Variants in GPD2 observed in about 807,000 individuals in gnomAD.
The protein encoded by GPD2 is glycerol-3-phosphate dehydrogenase 2, also known as glycerol-3-phosphate dehydrogenase, mitochondrial.
In GPD2, 54 loss-of-function variants were observed where a neutral mutation model predicts 82.4. The observed-to-expected ratio is 0.66, with a 90% CI of 0.53 to 0.82. The LOEUF (loss-of-function observed/expected upper bound fraction) is 0.82. Ranked by LOEUF, GPD2 falls within the 40% of genes least tolerant of loss-of-function variation. The pLI is 0.00. For synonymous variants in GPD2, 288 were observed against 306.1 expected (o/e 0.94, Z 0.62); for missense variants, 748 against 896.2 (o/e 0.83, Z 2.11).
rs1219294844 is a variant in GPD2, at chr2:156,579,766, T to G, written c.2036T>G (p.Val679Gly). The G allele has an allele frequency of 3.9e-6, 6 of 1,546,080 alleles. No individual in the cohort carries two copies. Among genetic ancestry groups the G allele is most frequent in the Non-Finnish European group, 5.4e-6 (6 of 1,117,970 alleles). Reference protein sequence around the residue: ...NEVDLNKNGQVELNEFLQLMS... With the variant: ...NEVDLNKNGQGELNEFLQLMS... ...GTTGATTTGAATAAAAATGGACAGGTTGAACTCAATGAATTTTTGCAGGTG... is the reference window on the plus strand; with the variant it reads ...GTTGATTTGAATAAAAATGGACAGGGTGAACTCAATGAATTTTTGCAGGTG... The change falls in exon 16 of 17, where the codon GTT (valine) becomes GGT (glycine). Residue 679 changes from valine to glycine, a missense_variant. By Grantham distance (109) the Val-to-Gly change is moderately radical. Transcript: ENST00000438166.
rs776070659 is a variant in GPD2, at chr2:156,450,665, C to CTT, written c.-9+14168_-9+14169dup. Among the ~76,000 whole-genome samples the CTT allele has an allele frequency of 4.4e-3, 313 of 71,672 alleles. 16 individuals are homozygous for CTT. In the East Asian group the frequency reaches 0.058, roughly 13 times the overall value. The allele number at this position is 71,672 out of a possible 152,430, so 47.0% of individuals were successfully genotyped here. A position where few individuals can be genotyped will look rare whatever the true frequency, so the allele number is the denominator to read the frequency against. ...GTGGAGACAGTTCTTATAGACAACTCTTTTTTTTTTTTTTTTTATTGCTCA... is the reference window on the plus strand; with the variant it reads ...GTGGAGACAGTTCTTATAGACAACTCTTTTTTTTTTTTTTTTTTTATTGCTCA... On this transcript the variant is annotated intron_variant, in intron 1 of 16. Coordinates refer to ENST00000438166, the MANE Select transcript of GPD2 (RefSeq NM_000408.5).
At position 156,585,001 on chromosome 2, in the gene GPD2, A is replaced by G. The variant is rs1329453760; in HGVS notation, c.*2083A>G. ...CTTGTTTGTGCATGCTTTGCTATGA[A>G]TGAAGTTCCTTTAAGGACAAAGAAA... On this transcript the variant is annotated 3_prime_UTR_variant, in exon 17 of 17. Coordinates refer to ENST00000438166, the MANE Select transcript of GPD2 (RefSeq NM_000408.5). 4 of 151,942 alleles carry G rather than the reference A, an allele frequency of 2.6e-5. No homozygotes were observed. Among genetic ancestry groups the G allele is most frequent in the Non-Finnish European group, 5.9e-5 (4 of 67,928 alleles). 9.4% of individuals were successfully genotyped at this position (151,942 alleles called of 1,614,324 possible).
At chr2:156,426,170 G>A in the GPD2 span, among the ~76,000 whole-genome samples, 7 of 152,086 alleles carry the variant, frequency 4.6e-5, no homozygotes, top group South Asian at 2.1e-4. Context: ...TGATCCGCCC[G>A]CCTTGGCCTC....
In GPD2 at chr2:156,484,424, C is replaced by G. The variant is rs1413567182; in HGVS notation, c.102+8217C>G. Among the ~76,000 whole-genome samples the G allele has an allele frequency of 3.3e-5, 5 of 152,276 alleles. No homozygotes were observed. In the South Asian group the frequency reaches 6.2e-4, roughly 19 times the overall value. On this transcript the variant is annotated intron_variant, in intron 2 of 16. Coordinates refer to ENST00000438166, the MANE Select transcript of GPD2 (RefSeq NM_000408.5). The stretch of plus-strand genomic sequence containing the variant: ...AGAGCCGGGATTACAGGCGTGAGCC[C>G]AGTCCCAATCTTTCTCTTTAAAAAA...
At chr2:156,401,531 C>A in the GPD2 span, among the ~76,000 whole-genome samples, 3 of 152,296 alleles carry the variant, frequency 2.0e-5, no homozygotes, top group South Asian at 6.2e-4. Context: ...TCCCTCCAAC[C>A]CCCTGCCATT....
the GPD2 span, among the ~76,000 whole-genome samples, chr2:156,419,169 C>T: frequency 3.4e-5 from 5 of 146,368 alleles, no homozygotes; most frequent in Non-Finnish European, 4.5e-5. Context: ...AAGAGATTCT[C>T]CTGCCTCAGC....
At position 156,582,871 on chromosome 2, in the gene GPD2, G is replaced by A. The variant is rs17847139; in HGVS notation, c.2137G>A (p.Asp713Asn). 9.9e-6 allele frequency: 16 copies of A among 1,613,022 alleles called. No individual in the cohort carries two copies. Among genetic ancestry groups the A allele is most frequent in the African/African-American group, 4.0e-5 (3 of 74,864 alleles). Residue 713 changes from aspartate to asparagine, a missense_variant, in exon 17 of 17, where the codon GAC (aspartate) becomes AAC (asparagine). Coordinates refer to ENST00000438166, the MANE Select transcript of GPD2 (RefSeq NM_000408.5). ...AATGAAAACTGCAGAAGAGAACCTC[G>A]ACAGAAGAGTTCCAATTCCAGTGGA... is the stretch of plus-strand genomic sequence containing the variant. The part of the protein sequence containing the change: ...ILMKTAEENL[D>N]RRVPIPVDRS...
chr2:156,475,544 A>G (rs553775883), intron 1 of GPD2, among the ~76,000 whole-genome samples: 8 of 152,278 alleles, frequency 5.3e-5, no homozygotes, highest in African/African-American at 1.4e-4. Flanking sequence ...GACTCTTTCA[A>G]TAATAGAAAT....
At chr2:156,483,987 C>CTTTTTTTTTTTTTTTTTTTTTTTTT (rs10610989) in intron 2 of GPD2, among the ~76,000 whole-genome samples, 2 of 92,288 alleles carry the variant, frequency 2.2e-5, no homozygotes, top group Non-Finnish European at 2.2e-5. Context: ...TGCTTGCTTG[C>CTTTTTTTTTTTTTTTTTTTTTTTTT]TTTTTTTTTT....
chr2:156,465,431 A>G (rs898541909), intron 1 of GPD2, among the ~76,000 whole-genome samples: 2 of 144,198 alleles, frequency 1.4e-5, no homozygotes, highest in Admixed American at 7.2e-5. Flanking sequence ...GTGCCCTCAT[A>G]GCTCACTGCA....
chr2:156,555,965 C>T (rs1186272395), intron 8 of GPD2, among the ~76,000 whole-genome samples: 4 of 152,104 alleles, frequency 2.6e-5, no homozygotes, highest in Non-Finnish European at 5.9e-5. Context: ...ACATGGCAAG[C>T]GTTTCATGCG....
chr2:156,488,038 G>C (rs76960655), intron 2 of GPD2, among the ~76,000 whole-genome samples: 3,744 of 152,250 alleles, frequency 0.025, 100 homozygotes, highest in African/African-American at 0.066. Context: ...GTACCTTCAA[G>C]GGGAACTAGA....
At chr2:156,560,962 C>T (rs948570106) in intron 9 of GPD2, among the ~76,000 whole-genome samples, 2 of 150,728 alleles carry the variant, frequency 1.3e-5, no homozygotes, top group East Asian at 3.9e-4. Context: ...ATCTTTGATT[C>T]CTCCTTAACA....
rs200580228 is a variant in GPD2, at chr2:156,550,671, A to C, written c.896A>C (p.Lys299Thr). The part of the protein sequence containing the change: ...ATGPFTDSVR[K>T]MDDKDAAAIC... ...GGACCTTTCACGGACTCTGTGCGCAAAATGGATGATAAAGACGCAGCAGCT... is the reference window on the plus strand; with the variant it reads ...GGACCTTTCACGGACTCTGTGCGCACAATGGATGATAAAGACGCAGCAGCT... Residue 299 changes from lysine (K) to threonine (T), a missense_variant, in exon 8 of 17, where the codon AAA (lysine) becomes ACA (threonine). Lys to Thr is a moderately conservative substitution (Grantham distance 78, BLOSUM62 -1). Around this residue, in one of 3 missense-constraint regions of GPD2, gnomAD observed 692 missense variants for 809.7 expected, o/e 0.85. Transcript: ENST00000438166. The C allele has an allele frequency of 3.7e-6, 6 of 1,614,006 alleles. No individual in the cohort carries two copies. Among genetic ancestry groups the C allele is most frequent in the Non-Finnish European group, 4.2e-6 (5 of 1,179,864 alleles).
At chr2:156,532,461 C>G (rs1290229098) in intron 6 of GPD2, among the ~76,000 whole-genome samples, 1 of 152,176 alleles carries the variant, frequency 6.6e-6, no homozygotes, top group Non-Finnish European at 1.5e-5. Flanking sequence ...TGTGCTCCCC[C>G]ACCATTAAAT....
rs1409661938 is a variant in GPD2 at position 156,583,730 on chromosome 2, T to G, written c.*812T>G. 1 of 152,514 alleles carries G rather than the reference T, an allele frequency of 6.6e-6. No individual in the cohort carries two copies. The highest frequency in any genetic ancestry group is 1.5e-5 in the Non-Finnish European group (1 of 67,996). 9.4% of individuals were successfully genotyped at this position (152,514 alleles called of 1,614,324 possible). A position where few individuals can be genotyped will look rare whatever the true frequency, so the allele number is the denominator to read the frequency against. ...CAGGAAGATCCTTGCTCTTCTTACT[T>G]TAAAACCAGCATTTAAGTGGCAATT... On this transcript the variant is annotated 3_prime_UTR_variant, in exon 17 of 17. Coordinates refer to ENST00000438166, the MANE Select transcript of GPD2 (RefSeq NM_000408.5).
rs757944011 is a variant in GPD2 at position 156,542,721 on chromosome 2, T to G, written c.662-6887T>G. ...TAAATTAGCAGTGATGTAAGTGGTC[T>G]TTCTGTTAGAACTTAATTGCCTCCT... is the stretch of plus-strand genomic sequence containing the variant. On this transcript the variant is annotated intron_variant, in intron 6 of 16. Transcript: ENST00000438166. 3.3e-5 allele frequency among the ~76,000 whole-genome samples: 5 copies of G among 152,328 alleles called. No individual in the cohort carries two copies. The East Asian group carries it at 9.6e-4, about 29-fold the overall frequency.
chr2:156,513,258 T>A, intron 5 of GPD2, 75 bp from the exon 6 acceptor site: 1 of 1,044,534 alleles, frequency 9.6e-7, no homozygotes, highest in Non-Finnish European at 1.5e-6. Flanking sequence ...AATGAAAGTG[T>A]CTTGTAGTGT....
chr2:156,437,583 T>C (rs938060047), intron 1 of GPD2, among the ~76,000 whole-genome samples: 5 of 152,220 alleles, frequency 3.3e-5, no homozygotes, highest in African/African-American at 1.2e-4. Flanking sequence ...CCTTGACTTT[T>C]ACAAATCAAC....
Sources: allele counts gnomAD v4.1 joint callset (sites outside exome capture counted in the v4.1 genomes callset), GRCh38; gene constraint gnomAD v4.1.1; regional missense constraint gnomAD v4.1.1; transcripts MANE v1.5; gene names NCBI Gene and HGNC (gene_info 2026-07-23, HGNC 2026-07-21).